FOXN3: variants seen among roughly 807,000 people sequenced by gnomAD.
FOXN3 encodes the protein forkhead box N3, also known as forkhead box protein N3.
Under a neutral mutation model 38.4 loss-of-function variants are expected in FOXN3, and 7 were observed. The observed-to-expected ratio is 0.18, with a 90% confidence interval of 0.10 to 0.34. The LOEUF is 0.34. Ranked by LOEUF, FOXN3 falls within the 10% of genes least tolerant of loss-of-function variation. The pLI is 1.00. For synonymous variants in FOXN3, 230 were observed against 242.2 expected (o/e 0.95, Z 0.47); for missense variants, 456 against 613.4 (o/e 0.74, Z 2.71).
At chr14:89,401,532 G>A (rs530752042) in intron 2 of FOXN3, 8 of 454,568 alleles carry the variant, frequency 1.8e-5, no homozygotes, top group East Asian at 7.0e-5. Context: ...CACACAGTGC[G>A]GTATTCCAGG....
chr14:89,247,746 C>T (rs532600455), intron 4 of FOXN3, among the ~76,000 whole-genome samples: 1 of 152,190 alleles, frequency 6.6e-6, no homozygotes, highest in Non-Finnish European at 1.5e-5. Flanking sequence ...ATAAAAAGTA[C>T]ACCAGATTTG....
At chr14:89,464,748 G>A (rs767588616) in intron 1 of FOXN3, among the ~76,000 whole-genome samples, 3 of 151,950 alleles carry the variant, frequency 2.0e-5, no homozygotes, top group Non-Finnish European at 2.9e-5. Flanking sequence ...GCCAAGCTGG[G>A]GTACAATGGC....
chr14:89,305,516 G>T (rs554916044), intron 3 of FOXN3, among the ~76,000 whole-genome samples: 1 of 152,320 alleles, frequency 6.6e-6, no homozygotes, highest in South Asian at 2.1e-4. Flanking sequence ...TTGAACAACA[G>T]AACAGACTTA....
At chr14:89,228,040 A>G (rs1356348852) in intron 4 of FOXN3, among the ~76,000 whole-genome samples, 1 of 152,182 alleles carries the variant, frequency 6.6e-6, no homozygotes, top group East Asian at 1.9e-4. Context: ...GTGCCTGGCC[A>G]GGGAGACTGT....
At chr14:89,562,694 A>C (rs1212660457) in intron 1 of FOXN3, among the ~76,000 whole-genome samples, 1 of 152,232 alleles carries the variant, frequency 6.6e-6, no homozygotes, top group Non-Finnish European at 1.5e-5. Context: ...GACATCACAC[A>C]AACCTTGATG....
At chr14:89,450,482 T>A (rs1474741447) in intron 1 of FOXN3, among the ~76,000 whole-genome samples, 5 of 152,174 alleles carry the variant, frequency 3.3e-5, no homozygotes. Context: ...AACACCATGA[T>A]GGACACCTGG....
chr14:89,290,629 T>C (rs1566948262), intron 3 of FOXN3: 1 of 498,860 alleles, frequency 2.0e-6, no homozygotes, highest in Non-Finnish European at 3.9e-6. Flanking sequence ...CTCCATTTAC[T>C]TCCTTCCAAC....
At chr14:89,443,987 C>T (rs1160961045) in intron 1 of FOXN3, among the ~76,000 whole-genome samples, 1 of 90,206 alleles carries the variant, frequency 1.1e-5, no homozygotes, top group South Asian at 3.3e-4. Context: ...CCAGCCTGGG[C>T]AACAAGAATG....
At chr14:89,185,208 TGTGCTC>T (rs377412169) in intron 4 of FOXN3, among the ~76,000 whole-genome samples, 182 of 152,348 alleles carry the variant, frequency 1.2e-3, no homozygotes, top group African/African-American at 4.0e-3. Flanking sequence ...AGATGGCGGA[TGTGCTC>T]GTGTTTGCTC....
chr14:89,391,477 G>A (rs1310021364), intron 2 of FOXN3, among the ~76,000 whole-genome samples: 1 of 152,170 alleles, frequency 6.6e-6, no homozygotes, highest in Non-Finnish European at 1.5e-5. Flanking sequence ...ATTATTTCAT[G>A]GTTCAACCAA....
chr14:89,579,600 C>T (rs1895704622), intron 1 of FOXN3, among the ~76,000 whole-genome samples: 1 of 152,108 alleles, frequency 6.6e-6, no homozygotes, highest in Non-Finnish European at 1.5e-5. Flanking sequence ...TTTCATCTCC[C>T]AGCCATTCCA....
At chr14:89,389,870 T>C (rs551755188) in intron 2 of FOXN3, among the ~76,000 whole-genome samples, 1 of 152,234 alleles carries the variant, frequency 6.6e-6, no homozygotes, top group Non-Finnish European at 1.5e-5. Flanking sequence ...AATAAGGCTC[T>C]TTACAACTAC....
intron 4 of FOXN3, among the ~76,000 whole-genome samples, chr14:89,249,678 C>G (rs559075929): frequency 3.3e-5 from 5 of 152,208 alleles, no homozygotes; most frequent in Non-Finnish European, 5.9e-5. Flanking sequence ...ATAGTCCCTG[C>G]TCATTCGGGA....
intron 1 of FOXN3, among the ~76,000 whole-genome samples, chr14:89,471,017 G>A (rs1893084019): frequency 6.6e-6 from 1 of 151,938 alleles, no homozygotes; most frequent in African/African-American, 2.4e-5. Flanking sequence ...AATCCACAGT[G>A]AACATGTAGG....
intron 1 of FOXN3, among the ~76,000 whole-genome samples, chr14:89,590,390 CAG>C (rs1325847881): frequency 6.6e-6 from 1 of 152,108 alleles, no homozygotes; most frequent in Non-Finnish European, 1.5e-5. Flanking sequence ...GGAAGAGTGA[CAG>C]ATGAACTCAG....
At chr14:89,308,644 C>G (rs11159898) in intron 3 of FOXN3, among the ~76,000 whole-genome samples, 130,511 of 152,196 alleles carry the variant, frequency 0.86, 56,128 homozygotes, top group East Asian at 0.96. Flanking sequence ...GGACACAAAA[C>G]ATAGGAGTTC....
At chr14:89,222,106 G>T (rs150457428) in intron 4 of FOXN3, among the ~76,000 whole-genome samples, 2 of 152,140 alleles carry the variant, frequency 1.3e-5, no homozygotes, top group Non-Finnish European at 2.9e-5. Flanking sequence ...GTGAGCCACC[G>T]CGCCCGGCCT....
intron 1 of FOXN3, among the ~76,000 whole-genome samples, chr14:89,516,431 T>C (rs1472747467): frequency 6.6e-6 from 1 of 152,214 alleles, no homozygotes. Flanking sequence ...TGTGTCTTTC[T>C]GCTGTAACAT....
intron 3 of FOXN3, chr14:89,290,206 G>T: frequency 7.6e-6 from 2 of 261,674 alleles, no homozygotes; most frequent in Non-Finnish European, 1.6e-5. Context: ...GGGGTTCACT[G>T]ACCAACTTGG....
Sources: allele counts gnomAD v4.1 joint callset (sites outside exome capture counted in the v4.1 genomes callset), GRCh38; gene constraint gnomAD v4.1.1; transcripts MANE v1.5; gene names NCBI Gene and HGNC (gene_info 2026-07-23, HGNC 2026-07-21).